Variants in CNTN5 observed in about 807,000 individuals in gnomAD.
CNTN5 encodes the protein contactin 5.
In CNTN5, 77 loss-of-function variants were observed where a neutral mutation model predicts 129.1. That is an observed-to-expected ratio of 0.60 (90% confidence interval 0.50 to 0.72). The LOEUF (loss-of-function observed/expected upper bound fraction) is 0.72, where lower values mean the gene tolerates loss of function less well. Ranked by LOEUF, CNTN5 falls within the 30% of genes least tolerant of loss-of-function variation. The probability of loss-of-function intolerance (pLI) is 0.00; values close to 1 mark genes in which losing one functional copy is unlikely to be tolerated. For missense variants in CNTN5, 1,478 were observed against 1,328.8 expected (o/e 1.11, Z -1.75); for synonymous variants, 509 against 465.6 (o/e 1.09, Z -1.20).
chr11:99,269,108 T>C (rs1863047000), intron 1 of CNTN5, among the ~76,000 whole-genome samples: 2 of 151,954 alleles, frequency 1.3e-5, no homozygotes, highest in South Asian at 4.1e-4. Context: ...AATCATCCTG[T>C]CGAAGTGCCA....
intron 2 of CNTN5, among the ~76,000 whole-genome samples, chr11:99,552,207 G>GTTTTTTTTT (rs758718492): frequency 2.0e-5 from 3 of 146,704 alleles, no homozygotes; most frequent in African/African-American, 5.1e-5. Context: ...CACCTGGTCA[G>GTTTTTTTTT]TTTTTGTGTT....
At chr11:99,334,314 G>T (rs1866129186) in intron 2 of CNTN5, among the ~76,000 whole-genome samples, 1 of 152,122 alleles carries the variant, frequency 6.6e-6, no homozygotes, top group Non-Finnish European at 1.5e-5. Flanking sequence ...CATAGTAGCA[G>T]CTAAGGAAAC....
intron 24 of CNTN5, among the ~76,000 whole-genome samples, chr11:100,352,247 C>T (rs1248504450): frequency 6.6e-6 from 1 of 151,624 alleles, no homozygotes; most frequent in Non-Finnish European, 1.5e-5. Context: ...TTAGCTGCCA[C>T]TTACAATACT....
intron 3 of CNTN5, among the ~76,000 whole-genome samples, chr11:99,744,314 C>T (rs140547478): frequency 4.0e-5 from 6 of 151,664 alleles, no homozygotes; most frequent in Non-Finnish European, 5.9e-5. Flanking sequence ...AAACCTCTGG[C>T]CCCCACAAAC....
At chr11:100,195,888 A>G (rs1565333618) in intron 15 of CNTN5, among the ~76,000 whole-genome samples, 1 of 152,060 alleles carries the variant, frequency 6.6e-6, no homozygotes, top group East Asian at 1.9e-4. Context: ...CATGTAAATT[A>G]TGTCTGGAAA....
chr11:99,246,294 TA>T, intron 1 of CNTN5, among the ~76,000 whole-genome samples: 1 of 149,888 alleles, frequency 6.7e-6, no homozygotes, highest in South Asian at 2.2e-4. Flanking sequence ...TGAATTACAC[TA>T]CCCACACATT....
chr11:100,343,423 G>C (rs980089715), intron 23 of CNTN5, among the ~76,000 whole-genome samples: 1 of 137,992 alleles, frequency 7.2e-6, no homozygotes, highest in Non-Finnish European at 1.6e-5. Flanking sequence ...TCTGATGAGT[G>C]GGATGATCCC....
chr11:99,245,805 C>T (rs946750397), intron 1 of CNTN5, among the ~76,000 whole-genome samples: 14 of 152,192 alleles, frequency 9.2e-5, no homozygotes, highest in African/African-American at 3.1e-4. Context: ...AGGGGATGTA[C>T]GGGACTGTCT....
intron 2 of CNTN5, among the ~76,000 whole-genome samples, chr11:99,427,519 C>T (rs996153323): frequency 6.6e-6 from 1 of 152,054 alleles, no homozygotes; most frequent in Non-Finnish European, 1.5e-5. Context: ...GTTATCCCAG[C>T]ACTTTGGGAG....
intron 1 of CNTN5, among the ~76,000 whole-genome samples, chr11:99,159,421 G>C (rs1004423235): frequency 6.6e-6 from 1 of 152,144 alleles, no homozygotes; most frequent in Non-Finnish European, 1.5e-5. Context: ...AGGAGATCGA[G>C]ACCATCCTGG....
At chr11:100,015,853 C>T (rs1379972806) in intron 9 of CNTN5, among the ~76,000 whole-genome samples, 1 of 151,894 alleles carries the variant, frequency 6.6e-6, no homozygotes, top group Non-Finnish European at 1.5e-5. Flanking sequence ...GGAATCCTAT[C>T]CTTGTTAGGC....
At chr11:99,461,814 G>A (rs529339670) in intron 2 of CNTN5, among the ~76,000 whole-genome samples, 39 of 151,978 alleles carry the variant, frequency 2.6e-4, no homozygotes, top group Admixed American at 1.3e-3. Flanking sequence ...TTTAAAATGT[G>A]CAACTTTTTT....
intron 3 of CNTN5, among the ~76,000 whole-genome samples, chr11:99,599,403 T>G (rs940724045): frequency 2.0e-5 from 3 of 152,132 alleles, no homozygotes; most frequent in African/African-American, 7.2e-5. Flanking sequence ...TGTTATTGAT[T>G]TGTGTATTAT....
At chr11:99,438,009 CAGTT>C (rs35797137) in intron 2 of CNTN5, among the ~76,000 whole-genome samples, 141,241 of 151,848 alleles carry the variant, frequency 0.93, 66,235 homozygotes, top group Non-Finnish European at 0.99. Context: ...CTGTTTCTGT[CAGTT>C]AGTTAGTATA....
At chr11:99,835,643 T>C (rs186333212) in intron 4 of CNTN5, among the ~76,000 whole-genome samples, 38 of 152,158 alleles carry the variant, frequency 2.5e-4, no homozygotes, top group African/African-American at 8.2e-4. Context: ...AACATAGGAT[T>C]TAGGAATGGA....
intron 3 of CNTN5, among the ~76,000 whole-genome samples, chr11:99,797,930 G>T (rs1945997762): frequency 6.6e-6 from 1 of 151,896 alleles, no homozygotes; most frequent in Non-Finnish European, 1.5e-5. Context: ...TATAGCCTCT[G>T]CCTGTTTATC....
At chr11:99,111,560 C>T (rs764745678) in intron 1 of CNTN5, among the ~76,000 whole-genome samples, 12 of 151,744 alleles carry the variant, frequency 7.9e-5, no homozygotes, top group Non-Finnish European at 1.8e-4. Flanking sequence ...CAAAAGTGAC[C>T]TTATACTGAA....
At chr11:100,209,885 T>C (rs570151386) in intron 15 of CNTN5, among the ~76,000 whole-genome samples, 1 of 152,062 alleles carries the variant, frequency 6.6e-6, no homozygotes, top group Non-Finnish European at 1.5e-5. Context: ...TGAATAAGGG[T>C]ATTGTTATTT....
intron 13 of CNTN5, among the ~76,000 whole-genome samples, chr11:100,105,345 G>C (rs1032612985): frequency 2.0e-5 from 3 of 152,138 alleles, no homozygotes; most frequent in Non-Finnish European, 4.4e-5. Context: ...CAGAGAGAGA[G>C]AATTTGCATC....
Sources: gnomAD v4.1 joint callset for allele counts (sites outside exome capture counted in the v4.1 genomes callset) on GRCh38, gnomAD v4.1.1 for gene constraint, MANE v1.5 for transcripts, NCBI Gene and HGNC (gene_info 2026-07-23, HGNC 2026-07-21) for gene names.